Variants in STK3 observed in about 807,000 individuals in gnomAD.
The protein encoded by STK3 is serine/threonine kinase 3.
In STK3, 41 loss-of-function variants were observed where a neutral mutation model predicts 58.0. The observed-to-expected ratio is 0.71, with a 90% CI of 0.55 to 0.92. The LOEUF (loss-of-function observed/expected upper bound fraction) is 0.92. STK3 is among the 40% of genes least tolerant of loss of function. The pLI is 0.00. For missense variants in STK3, 479 were observed against 602.7 expected, an observed-to-expected ratio of 0.79 and a Z score of 2.15; for synonymous variants, 170 against 191.0, an observed-to-expected ratio of 0.89 and a Z score of 0.91.
chr8:98,424,504 G>A (rs1818206935), intron 3 of STK3, among the ~76,000 whole-genome samples: 1 of 152,212 alleles, frequency 6.6e-6, no homozygotes, highest in Admixed American at 6.5e-5. Flanking sequence ...CTGTTAGAGA[G>A]ATGGGAGGGT....
At chr8:98,473,618 T>C (rs1160362038) in intron 10 of STK3, among the ~76,000 whole-genome samples, 1 of 152,162 alleles carries the variant, frequency 6.6e-6, no homozygotes, top group African/African-American at 2.4e-5. Flanking sequence ...AAATTCCTCT[T>C]GTTAGGTCGC....
intron 6 of STK3, among the ~76,000 whole-genome samples, chr8:98,652,879 A>G (rs1360921687): frequency 6.6e-6 from 1 of 151,978 alleles, no homozygotes; most frequent in East Asian, 1.9e-4. Flanking sequence ...ACACAATAAT[A>G]ATGGGAGACT....
At chr8:98,707,651 T>G (rs1826058733) in intron 4 of STK3, among the ~76,000 whole-genome samples, 1 of 152,028 alleles carries the variant, frequency 6.6e-6, no homozygotes. Context: ...ACAATTCTCC[T>G]TCCTCAGCTT....
At chr8:98,931,824 C>A (rs1013709886) in intron 1 of STK3, among the ~76,000 whole-genome samples, 7 of 152,290 alleles carry the variant, frequency 4.6e-5, no homozygotes, top group Admixed American at 1.3e-4. Context: ...AGTATACTTT[C>A]TTTTACTCTA....
chr8:98,460,629 T>C (rs1053177180), intron 10 of STK3, among the ~76,000 whole-genome samples: 2 of 152,194 alleles, frequency 1.3e-5, no homozygotes, highest in African/African-American at 4.8e-5. Flanking sequence ...GTAATCCCCA[T>C]GTGTCTAGAG....
chr8:98,928,128 T>A (rs892393480), intron 1 of STK3, among the ~76,000 whole-genome samples: 1 of 152,316 alleles, frequency 6.6e-6, no homozygotes, highest in South Asian at 2.1e-4. Flanking sequence ...CAGGTTGGCA[T>A]CCTACAACAC....
At chr8:98,456,833 A>G (rs138508689) in intron 10 of STK3, among the ~76,000 whole-genome samples, 62 of 152,302 alleles carry the variant, frequency 4.1e-4, no homozygotes, top group Admixed American at 2.4e-3. Context: ...AATACTCATT[A>G]CTTATAGTCA....
intron 1 of STK3, among the ~76,000 whole-genome samples, chr8:98,927,720 G>GA (rs1839854165): frequency 6.6e-6 from 1 of 152,312 alleles, no homozygotes; most frequent in African/African-American, 2.4e-5. Flanking sequence ...CTATTAACAT[G>GA]AAAGGAAAGA....
chr8:98,352,622 GA>G, the STK3 span, among the ~76,000 whole-genome samples: 1 of 152,182 alleles, frequency 6.6e-6, no homozygotes, highest in Admixed American at 6.5e-5. Flanking sequence ...TAACATCAAA[GA>G]GAGACTTGCA....
At chr8:98,580,601 T>G (rs547056578) in intron 7 of STK3, among the ~76,000 whole-genome samples, 4 of 152,128 alleles carry the variant, frequency 2.6e-5, no homozygotes, top group African/African-American at 4.8e-5. Context: ...CCTGACTGAG[T>G]GAGTGAGTTA....
chr8:98,580,369 T>C (rs1813772593), intron 7 of STK3, among the ~76,000 whole-genome samples: 1 of 152,216 alleles, frequency 6.6e-6, no homozygotes, highest in Admixed American at 6.5e-5. Flanking sequence ...AATATCACCC[T>C]GATCTAGCTA....
chr8:98,922,548 A>G (rs925540273), intron 1 of STK3, among the ~76,000 whole-genome samples: 1 of 152,234 alleles, frequency 6.6e-6, no homozygotes, highest in Non-Finnish European at 1.5e-5. Flanking sequence ...ATTCCTGCAC[A>G]CCTAGCTCAG....
intron 8 of STK3, among the ~76,000 whole-genome samples, chr8:98,563,944 C>T (rs549903876): frequency 6.6e-4 from 101 of 152,090 alleles, no homozygotes; most frequent in Middle Eastern, 6.8e-3. Context: ...AGAATAACCC[C>T]CCACTTCTTA....
At chr8:98,853,527 C>T (rs897298386) in intron 3 of STK3, among the ~76,000 whole-genome samples, 1 of 152,224 alleles carries the variant, frequency 6.6e-6, no homozygotes, top group Admixed American at 6.5e-5. Context: ...CCCACTGGCT[C>T]TATTTTATGG....
At chr8:98,747,838 G>GT (rs1188134768) in intron 4 of STK3, among the ~76,000 whole-genome samples, 1 of 152,108 alleles carries the variant, frequency 6.6e-6, no homozygotes, top group African/African-American at 2.4e-5. Flanking sequence ...TTGTGTGAGC[G>GT]TAACAACTAT....
At position 98,738,800 on chromosome 8, in the gene STK3, G is replaced by A. The variant is rs1025752667; in HGVS notation, c.351+10476C>T. Among the ~76,000 whole-genome samples, 14 of 152,332 alleles carry A rather than the reference G, an allele frequency of 9.2e-5. No individual in the cohort carries two copies. In the South Asian group the frequency reaches 1.0e-3, roughly 11 times the overall value. On this transcript the variant is annotated intron_variant, in intron 4 of 10. Coordinates refer to ENST00000419617, the MANE Select transcript of STK3 (RefSeq NM_006281.4). ...AGCAGGGCGAGGCATTGCCTCACTC[G>A]GGAAGCGCAAGGGGTTCAGGGAGTT...
intron 1 of STK3, among the ~76,000 whole-genome samples, chr8:98,818,216 A>G (rs1477608567): frequency 6.6e-6 from 1 of 152,232 alleles, no homozygotes; most frequent in Non-Finnish European, 1.5e-5. Context: ...AGGTTTCACC[A>G]TCTTTCTCTA....
chr8:98,773,022 G>A (rs1831418839), intron 2 of STK3, among the ~76,000 whole-genome samples: 1 of 151,978 alleles, frequency 6.6e-6, no homozygotes, highest in African/African-American at 2.4e-5. Flanking sequence ...TTTTATCAAT[G>A]GTCCTTTGAA....
At chr8:98,744,723 A>C (rs1479758847) in intron 4 of STK3, among the ~76,000 whole-genome samples, 1 of 152,150 alleles carries the variant, frequency 6.6e-6, no homozygotes, top group Admixed American at 6.5e-5. Flanking sequence ...CCTAAAACTT[A>C]AAGTATAATA....
Sources: gnomAD v4.1 joint callset for allele counts (sites outside exome capture counted in the v4.1 genomes callset) on GRCh38, gnomAD v4.1.1 for gene constraint, MANE v1.5 for transcripts, NCBI Gene and HGNC (gene_info 2026-07-23, HGNC 2026-07-21) for gene names.